CHRM3: variants seen among roughly 807,000 people sequenced by gnomAD.
The protein encoded by CHRM3 is muscarinic acetylcholine receptor M3.
In CHRM3, 11 loss-of-function variants were observed where a neutral mutation model predicts 41.8. The ratio of observed to expected loss-of-function variants is 0.26; its 90% confidence interval spans 0.17 to 0.44. The LOEUF is 0.44. Ranked by LOEUF, CHRM3 falls within the 20% of genes least tolerant of loss-of-function variation. CHRM3 has a pLI of 1.00. For missense variants in CHRM3, 571 were observed against 745.4 expected (o/e 0.77, Z 2.72); for synonymous variants, 297 against 301.4 (o/e 0.99, Z 0.15).
Position 239,580,961 on chromosome 1 carries a change from A to T in CHRM3, c.-313+35212A>T, listed in dbSNP as rs190789277. Among the ~76,000 whole-genome samples, 834 of 151,684 alleles carry T rather than the reference A, an allele frequency of 5.5e-3. 5 individuals carry two copies. Among genetic ancestry groups the T allele is most frequent in the African/African-American group, 0.016 (655 of 41,422 alleles). On this transcript the variant is annotated intron_variant, in intron 3 of 6. Coordinates refer to ENST00000676153, the MANE Select transcript of CHRM3 (RefSeq NM_001375978.1). Reference sequence around the variant, plus strand: ...CCCAAATGAATGCAGTTTGGGTCCTACTCACAACATTTGGCAGTGACCCAG... The same window carrying T: ...CCCAAATGAATGCAGTTTGGGTCCTTCTCACAACATTTGGCAGTGACCCAG...
chr1:239,751,444 T>C (rs1485877626), intron 5 of CHRM3, among the ~76,000 whole-genome samples: 3 of 152,218 alleles, frequency 2.0e-5, no homozygotes, highest in Non-Finnish European at 4.4e-5. Flanking sequence ...ATTTCTATAA[T>C]TTAGTTTTTG....
intron 6 of CHRM3, among the ~76,000 whole-genome samples, chr1:239,829,076 G>A (rs1440973445): frequency 6.6e-6 from 1 of 152,158 alleles, no homozygotes; most frequent in Non-Finnish European, 1.5e-5. Context: ...TGTTGTTGCT[G>A]TTATTGTTTT....
intron 5 of CHRM3, among the ~76,000 whole-genome samples, chr1:239,775,907 T>C (rs766996944): frequency 6.6e-6 from 1 of 152,192 alleles, no homozygotes; most frequent in African/African-American, 2.4e-5. Flanking sequence ...GTAAGGAGAA[T>C]TTCTGGGAAA....
At chr1:239,523,738 T>A (rs1464933638) in intron 2 of CHRM3, among the ~76,000 whole-genome samples, 2 of 152,150 alleles carry the variant, frequency 1.3e-5, no homozygotes, top group Non-Finnish European at 2.9e-5. Flanking sequence ...AACATACGTG[T>A]CAGGAGGGCC....
At chr1:239,808,990 C>G (rs950288518) in intron 5 of CHRM3, among the ~76,000 whole-genome samples, 4 of 149,296 alleles carry the variant, frequency 2.7e-5, no homozygotes, top group African/African-American at 9.9e-5. Flanking sequence ...CTCACCCTGT[C>G]AAAGTCTGGG....
At chr1:239,557,706 A>G (rs994058260) in intron 3 of CHRM3, among the ~76,000 whole-genome samples, 5 of 152,078 alleles carry the variant, frequency 3.3e-5, no homozygotes, top group African/African-American at 1.2e-4. Flanking sequence ...CTCATTGTTC[A>G]GCTCCCACTT....
At position 239,691,141 on chromosome 1, in the gene CHRM3, C is replaced by A. The variant is rs1008914304; in HGVS notation, c.-147+12853C>A. On this transcript the variant is annotated intron_variant, in intron 5 of 6. Coordinates refer to ENST00000676153, the MANE Select transcript of CHRM3 (RefSeq NM_001375978.1). ...GGGGGAATCCAGGAGCAGTCCCATT[C>A]AGGTCACCAGACCCCCATGGTCACA... Among the ~76,000 whole-genome samples the A allele has an allele frequency of 3.3e-5, 5 of 152,198 alleles. No homozygotes were observed. The East Asian group carries it at 7.8e-4, about 24-fold the overall frequency.
In CHRM3 at chr1:239,743,788, C is replaced by CTTTTTTTTTTTT. The variant is rs10718514; in HGVS notation, c.-147+65511_-147+65522dup. Among the ~76,000 whole-genome samples the CTTTTTTTTTTTT allele has an allele frequency of 3.2e-3, 257 of 81,192 alleles. 1 individual carries two copies. Among genetic ancestry groups the CTTTTTTTTTTTT allele is most frequent in the Non-Finnish European group, 4.0e-3 (173 of 43,692 alleles). The allele number at this position is 81,192 out of a possible 152,430, so 53.3% of individuals were successfully genotyped here. A position where few individuals can be genotyped will look rare whatever the true frequency, so the allele number is the denominator to read the frequency against. On this transcript the variant is annotated intron_variant, in intron 5 of 6. Coordinates refer to ENST00000676153, the MANE Select transcript of CHRM3 (RefSeq NM_001375978.1). The stretch of plus-strand genomic sequence containing the variant: ...TTCTTTTTCTTTTTCTTTTTTTTTT[C>CTTTTTTTTTTTT]TTTTTTTTTTTTTTTTTTTTTTGAG...
rs1354724934 is a variant in CHRM3 at position 239,900,488 on chromosome 1, T to C, written c.-19-6945T>C. Among the ~76,000 whole-genome samples the C allele has an allele frequency of 2.6e-5, 4 of 151,900 alleles. No homozygotes were observed. In the East Asian group the frequency reaches 7.7e-4, roughly 29 times the overall value. On this transcript the variant is annotated intron_variant, in intron 6 of 6. Coordinates refer to ENST00000676153, the MANE Select transcript of CHRM3 (RefSeq NM_001375978.1). Reference sequence around the variant, plus strand: ...CTGAGCCTCCAGAGAACAGTCCTTTTAATGAGGCCGTGGCCCCAAGGCCTC... The same window carrying C: ...CTGAGCCTCCAGAGAACAGTCCTTTCAATGAGGCCGTGGCCCCAAGGCCTC...
intron 5 of CHRM3, among the ~76,000 whole-genome samples, chr1:239,741,742 CA>C (rs1156732326): frequency 1.3e-5 from 2 of 151,736 alleles, no homozygotes; most frequent in African/African-American, 4.8e-5. Context: ...CACTTATATG[CA>C]AAAAAACCCA....
intron 2 of CHRM3, among the ~76,000 whole-genome samples, chr1:239,511,501 T>C (rs1204445510): frequency 6.6e-6 from 1 of 152,248 alleles, no homozygotes. Context: ...TTTCTGTGGT[T>C]ATTTTTCTCC....
chr1:239,736,246 C>T lies in CHRM3; in HGVS notation c.-147+57958C>T, dbSNP rs533625225. On this transcript the variant is annotated intron_variant, in intron 5 of 6. Transcript: ENST00000676153. Reference sequence around the variant, plus strand: ...ATCTGGCAGTAAGTAAATAAGCTGCCCCAAAGCCTATGAGCCAGACGAATA... The same window carrying T: ...ATCTGGCAGTAAGTAAATAAGCTGCTCCAAAGCCTATGAGCCAGACGAATA... 1.4e-4 allele frequency among the ~76,000 whole-genome samples: 22 copies of T among 152,030 alleles called. 1 individual carries two copies. The South Asian group carries it at 1.9e-3, about 13-fold the overall frequency.
chr1:239,458,218 G>A (rs1157937215), intron 1 of CHRM3, among the ~76,000 whole-genome samples: 1 of 152,144 alleles, frequency 6.6e-6, no homozygotes, highest in Non-Finnish European at 1.5e-5. Context: ...ACCGAGAAAA[G>A]GGCCTCGTTT....
At chr1:239,656,573 G>A (rs1672742366) in intron 4 of CHRM3, among the ~76,000 whole-genome samples, 1 of 152,016 alleles carries the variant, frequency 6.6e-6, no homozygotes, top group South Asian at 2.1e-4. Context: ...CCCAGAAAGT[G>A]GACACTGCAG....
intron 2 of CHRM3, among the ~76,000 whole-genome samples, chr1:239,532,379 G>A (rs1657700149): frequency 6.9e-6 from 1 of 144,154 alleles, no homozygotes; most frequent in South Asian, 2.5e-4. Flanking sequence ...TGTAATCCCA[G>A]CACTTCAGGA....
intron 5 of CHRM3, among the ~76,000 whole-genome samples, chr1:239,816,555 C>T (rs1435423997): frequency 6.6e-6 from 1 of 152,062 alleles, no homozygotes; most frequent in Non-Finnish European, 1.5e-5. Context: ...TGTTGCTCCC[C>T]AGGCCTGCTT....
rs1665165736 is a variant in CHRM3 at position 239,459,033 on chromosome 1, GC to G, written c.-520-33675del. 2.0e-5 allele frequency among the ~76,000 whole-genome samples: 3 copies of G among 152,116 alleles called. No homozygotes were observed. The South Asian group carries it at 6.2e-4, about 31-fold the overall frequency. ...AAGAATTATGTTCACTGTAGTTAGG[GC>G]TCATTCTCCACCATTAACTGCTCTT... On this transcript the variant is annotated intron_variant, in intron 1 of 6. Transcript: ENST00000676153.
At chr1:239,711,218 G>A (rs1016609022) in intron 5 of CHRM3, among the ~76,000 whole-genome samples, 1 of 152,128 alleles carries the variant, frequency 6.6e-6, no homozygotes, top group African/African-American at 2.4e-5. Flanking sequence ...CATGGATTGT[G>A]TCTGTAACCC....
intron 5 of CHRM3, among the ~76,000 whole-genome samples, chr1:239,762,108 GT>G (rs920598694): frequency 6.6e-6 from 1 of 152,094 alleles, no homozygotes; most frequent in African/African-American, 2.4e-5. Flanking sequence ...ATTTTATCCA[GT>G]TTTGTAGTTG....
Sources: allele counts gnomAD v4.1 joint callset (sites outside exome capture counted in the v4.1 genomes callset), GRCh38; gene constraint gnomAD v4.1.1; transcripts MANE v1.5; gene names NCBI Gene and HGNC (gene_info 2026-07-23, HGNC 2026-07-21).